The following TMEM213 variants were observed in gnomAD, a reference collection of about 807,000 sequenced individuals.
TMEM213 encodes transmembrane protein 213.
In TMEM213, 7 loss-of-function variants were observed where a neutral mutation model predicts 11.6. The observed-to-expected ratio is 0.60, with a 90% CI of 0.34 to 1.13. The LOEUF is 1.13. TMEM213 is among the 50% of genes most tolerant of loss of function. TMEM213 has a pLI of 0.03. For synonymous variants in TMEM213, 60 were observed against 58.3 expected, an observed-to-expected ratio of 1.03 and a Z score of -0.13; for missense variants, 129 against 139.0, an observed-to-expected ratio of 0.93 and a Z score of 0.36.
At chr7:138,798,313 A>G in intron 1 of TMEM213, 127 bp downstream of exon 1, 1 of 479,574 alleles carries the variant, frequency 2.1e-6, no homozygotes, top group Non-Finnish European at 3.4e-6. Context: ...CAAAGGAAGG[A>G]GGAAACAGAA....
At chr7:138,802,434 C>T (rs929189413) in intron 2 of TMEM213, among the ~76,000 whole-genome samples, 1 of 151,750 alleles carries the variant, frequency 6.6e-6, no homozygotes, top group East Asian at 1.9e-4. Flanking sequence ...GCCTGTAATC[C>T]CAGCTACTTG....
In TMEM213 at chr7:138,800,010, CT is replaced by C. The variant is rs1808878692; in HGVS notation, c.83-1312del. Among the ~76,000 whole-genome samples the C allele has an allele frequency of 1.1e-4, 17 of 150,706 alleles. No homozygotes were observed. The South Asian group carries it at 3.6e-3, about 32-fold the overall frequency. On this transcript the variant is annotated intron_variant, in intron 1 of 2. Coordinates refer to ENST00000442682, the MANE Select transcript of TMEM213 (RefSeq NM_001085429.2). ...CATGCCCACCACTTTTTTTTTTTTC[CT>C]TTTTGCATTCCCCAAGAAGCAGAAC...
At chr7:138,798,586 C>T (rs1326778613) in intron 1 of TMEM213, among the ~76,000 whole-genome samples, 20 of 152,146 alleles carry the variant, frequency 1.3e-4, no homozygotes, top group Admixed American at 1.0e-3. Context: ...TGCAATCCTC[C>T]CTGTGCACAT....
At chr7:138,801,588 C>T (rs1041487104) in intron 2 of TMEM213, 190 bp downstream of exon 2, 10 of 595,962 alleles carry the variant, frequency 1.7e-5, no homozygotes, top group East Asian at 5.6e-5. Flanking sequence ...GGCTCTGATC[C>T]CCATCTAGGT....
intron 1 of TMEM213, among the ~76,000 whole-genome samples, chr7:138,798,661 C>T (rs1335072036): frequency 1.3e-5 from 2 of 152,122 alleles, no homozygotes; most frequent in Non-Finnish European, 2.9e-5. Context: ...TTCTCTGCGA[C>T]TTTCACAAAA....
At position 138,798,104 on chromosome 7, in the gene TMEM213, C is replaced by A; in HGVS notation, c.-1C>A. 6.3e-7 allele frequency: 1 copy of A among 1,596,320 alleles called. No individual in the cohort carries two copies. Among genetic ancestry groups the A allele is most frequent in the East Asian group, 2.3e-5 (1 of 43,996 alleles). ...ACCGGGCACTCAGCACAGCCTCCAG[C>A]ATGCAGCGCCTCCCCGCTGCCACCC... On this transcript the variant is annotated 5_prime_UTR_variant, in exon 1 of 3. Coordinates refer to ENST00000442682, the MANE Select transcript of TMEM213 (RefSeq NM_001085429.2).
chr7:138,799,996 C>CT (rs113369943), intron 1 of TMEM213, among the ~76,000 whole-genome samples: 94 of 146,376 alleles, frequency 6.4e-4, no homozygotes, highest in East Asian at 7.9e-4. Flanking sequence ...ATGCCCACCA[C>CT]TTTTTTTTTT....
At position 138,802,625 on chromosome 7, in the gene TMEM213, T is replaced by C. The variant is rs1584964679; in HGVS notation, c.155-275T>C. Among the ~76,000 whole-genome samples, 3 of 152,190 alleles carry C rather than the reference T, an allele frequency of 2.0e-5. No homozygotes were observed. In the East Asian group the frequency reaches 5.8e-4, roughly 29 times the overall value. ...GGTTAAGAGTATGGCTTCAGAGTCC[T>C]GCAGACTTGCGTTTGAGTTCTTCTG... is the stretch of plus-strand genomic sequence containing the variant. On this transcript the variant is annotated intron_variant, in intron 2 of 2. Coordinates refer to ENST00000442682, the MANE Select transcript of TMEM213 (RefSeq NM_001085429.2).
At position 138,801,347 on chromosome 7, in the gene TMEM213, T is replaced by C; in HGVS notation, c.103T>C (p.Ser35Pro). The change falls in exon 2 of 3, where the codon TCA becomes CCA. Residue 35 changes from serine (S) to proline (P), a missense_variant. By Grantham distance (74) the Ser-to-Pro change is moderately conservative. Coordinates refer to ENST00000442682, the MANE Select transcript of TMEM213 (RefSeq NM_001085429.2). ...CSAEASSSNS[S>P]SLTAHHPDPG... ...TCCAGAAGCAAGCAGCAGCAACAGC[T>C]CAAGCTTGACCGCTCACCACCCAGA... 1.2e-6 allele frequency: 2 copies of C among 1,612,268 alleles called. No homozygotes were observed. The highest frequency in any genetic ancestry group is 1.7e-6 in the Non-Finnish European group (2 of 1,179,274).
In TMEM213 at chr7:138,803,248, G is replaced by C; in HGVS notation, c.*179G>C. The C allele has an allele frequency of 1.3e-6, 1 of 765,862 alleles. No individual in the cohort carries two copies. Among genetic ancestry groups the C allele is most frequent in the African/African-American group, 1.8e-5 (1 of 55,796 alleles). The allele number at this position is 765,862 out of a possible 1,614,324, so 47.4% of individuals were successfully genotyped here. On this transcript the variant is annotated 3_prime_UTR_variant, in exon 3 of 3. Coordinates refer to ENST00000442682, the MANE Select transcript of TMEM213 (RefSeq NM_001085429.2). ...AATAAGGCAAGCCAGTGCTGCCCTTGCATGTCACTCCCAAGGGCCCCTGGG... is the reference window on the plus strand; with the variant it reads ...AATAAGGCAAGCCAGTGCTGCCCTTCCATGTCACTCCCAAGGGCCCCTGGG...
intron 1 of TMEM213, among the ~76,000 whole-genome samples, chr7:138,798,632 C>T (rs1281580786): frequency 2.0e-5 from 3 of 152,232 alleles, no homozygotes; most frequent in East Asian, 3.9e-4. Flanking sequence ...GTCCTCCATC[C>T]CTCCCTGCCC....
intron 1 of TMEM213, among the ~76,000 whole-genome samples, chr7:138,800,775 A>G (rs1808915029): frequency 1.2e-5 from 1 of 81,322 alleles, no homozygotes; most frequent in Non-Finnish European, 2.5e-5. Flanking sequence ...ATCTCAGCTC[A>G]CTGAACCTCC....
rs945858535 is a variant in TMEM213, at chr7:138,804,300, G to A, written c.*1231G>A. 6.6e-6 allele frequency: 1 copy of A among 152,392 alleles called. No homozygotes were observed. The highest frequency in any genetic ancestry group is 1.5e-5 in the Non-Finnish European group (1 of 68,224). The allele number at this position is 152,392 out of a possible 1,614,324, so 9.4% of individuals were successfully genotyped here. On this transcript the variant is annotated 3_prime_UTR_variant, in exon 3 of 3. Transcript: ENST00000442682. ...TTTGGAGGAGTCCATCTGTCCCCCA[G>A]CACATCCAGGAGTAAGGATTCCGAC...
rs1333221895 is a variant in TMEM213 at position 138,803,354 on chromosome 7, G to C, written c.*285G>C. 2.6e-6 allele frequency: 1 copy of C among 389,750 alleles called. No homozygotes were observed. Among genetic ancestry groups the C allele is most frequent in the Non-Finnish European group, 4.7e-6 (1 of 213,016 alleles). 24.1% of individuals were successfully genotyped at this position (389,750 alleles called of 1,614,324 possible). ...AACCTTTCTTCTAGGCACCAAGGGA[G>C]GTGCACAAGAAACTATAAGACTTAG... On this transcript the variant is annotated 3_prime_UTR_variant, in exon 3 of 3. Transcript: ENST00000442682.
intron 1 of TMEM213, among the ~76,000 whole-genome samples, chr7:138,798,899 C>T (rs772814376): frequency 2.0e-5 from 3 of 152,148 alleles, no homozygotes; most frequent in African/African-American, 4.8e-5. Context: ...AACACCACCA[C>T]ACTCTCTATG....
At position 138,801,504 on chromosome 7, in the gene TMEM213, C is replaced by A. The variant is rs1200996616; in HGVS notation, c.154+106C>A. On this transcript the variant is annotated intron_variant, in intron 2 of 2. Transcript: ENST00000442682. Reference sequence around the variant, plus strand: ...TTGATTGGTGTCAAGTGGGCAAGGGCCTGCCTGGCCTTCCTGTGCACCAGT... The same window carrying A: ...TTGATTGGTGTCAAGTGGGCAAGGGACTGCCTGGCCTTCCTGTGCACCAGT... 1.2e-5 allele frequency: 13 copies of A among 1,061,064 alleles called. No individual in the cohort carries two copies. In the Admixed American group the frequency reaches 1.2e-4, roughly 10 times the overall value. The allele number at this position is 1,061,064 out of a possible 1,614,324, so 65.7% of individuals were successfully genotyped here. A position where few individuals can be genotyped will look rare whatever the true frequency, so the allele number is the denominator to read the frequency against.
chr7:138,802,440 A>G (rs1414519461), intron 2 of TMEM213, among the ~76,000 whole-genome samples: 3 of 151,874 alleles, frequency 2.0e-5, no homozygotes, highest in Non-Finnish European at 4.4e-5. Context: ...AATCCCAGCT[A>G]CTTGGGAGGC....
chr7:138,798,378 G>T (rs920773263), intron 1 of TMEM213, 192 bp downstream of exon 1: 5 of 559,692 alleles, frequency 8.9e-6, no homozygotes, highest in African/African-American at 3.8e-5. Context: ...GGGCAGGGGG[G>T]GTCTTAGGTT....
At chr7:138,802,689 T>C (rs1473843357) in intron 2 of TMEM213, among the ~76,000 whole-genome samples, 1 of 152,222 alleles carries the variant, frequency 6.6e-6, no homozygotes, top group Non-Finnish European at 1.5e-5. Context: ...CCTCAGTTTC[T>C]TCATGTAAAA....
Sources: allele counts gnomAD v4.1 joint callset (sites outside exome capture counted in the v4.1 genomes callset), GRCh38; gene constraint gnomAD v4.1.1; transcripts MANE v1.5; gene names NCBI Gene and HGNC (gene_info 2026-07-23, HGNC 2026-07-21).